ANO1: variants seen among roughly 807,000 people sequenced by gnomAD.
ANO1 encodes the protein anoctamin 1.
Under a neutral mutation model 124.0 loss-of-function variants are expected in ANO1, and 59 were observed. The observed-to-expected ratio is 0.48, with a 90% CI of 0.39 to 0.59. ANO1 has a LOEUF of 0.59. Ranked by LOEUF, ANO1 falls within the 20% of genes least tolerant of loss-of-function variation. The probability of loss-of-function intolerance (pLI) is 0.00; values close to 1 mark genes in which losing one functional copy is unlikely to be tolerated. For missense variants in ANO1, 1,059 were observed against 1,328.0 expected (o/e 0.80, Z 3.15); for synonymous variants, 529 against 532.0 (o/e 0.99, Z 0.08).
chr11:70,062,067 C>CTTTTTTTTTTT (rs1175846749), intron 1 of ANO1, among the ~76,000 whole-genome samples: 2 of 62,270 alleles, frequency 3.2e-5, no homozygotes, highest in Non-Finnish European at 6.0e-5. Flanking sequence ...TTCCTTCTTT[C>CTTTTTTTTTTT]TTTTTTTTTT....
intron 8 of ANO1, among the ~76,000 whole-genome samples, chr11:70,122,100 A>C (rs1205681569): frequency 0.02 from 452 of 22,074 alleles, no homozygotes; most frequent in African/African-American, 0.023. Context: ...CGTCTCCCCC[A>C]CCTCTCTCTG....
intron 1 of ANO1, among the ~76,000 whole-genome samples, chr11:70,057,180 T>A (rs572652134): frequency 9.8e-5 from 15 of 152,340 alleles, no homozygotes; most frequent in African/African-American, 3.6e-4. Flanking sequence ...GCATGTGTGG[T>A]GATTTTTAAT....
At chr11:70,160,205 G>A (rs1289998255) in intron 16 of ANO1, among the ~76,000 whole-genome samples, 6 of 152,206 alleles carry the variant, frequency 3.9e-5, no homozygotes, top group South Asian at 2.1e-4. Flanking sequence ...CCTGGAACAC[G>A]GGGACACAGG....
intron 1 of ANO1, among the ~76,000 whole-genome samples, chr11:70,040,718 G>A (rs535078595): frequency 2.4e-4 from 36 of 152,302 alleles, no homozygotes; most frequent in African/African-American, 8.7e-4. Flanking sequence ...AGGCAGTTCA[G>A]AGCCCGGTCG....
At position 70,188,084 on chromosome 11, in the gene ANO1, C is replaced by T; in HGVS notation, c.*80C>T. On this transcript the variant is annotated 3_prime_UTR_variant, in exon 26 of 26. Transcript: ENST00000355303. ...CTCCCAGGGCAGGCGGCTTCCCGCT[C>T]CCACCAGGGCCCGGTGGGTCCTGGG... is the stretch of plus-strand genomic sequence containing the variant. The T allele has an allele frequency of 5.4e-6, 8 of 1,469,716 alleles. No homozygotes were observed. Among genetic ancestry groups the T allele is most frequent in the Non-Finnish European group, 7.2e-6 (8 of 1,108,108 alleles). 91.0% of individuals were successfully genotyped at this position (1,469,716 alleles called of 1,614,324 possible). A position where few individuals can be genotyped will look rare whatever the true frequency, so the allele number is the denominator to read the frequency against.
intron 1 of ANO1, among the ~76,000 whole-genome samples, chr11:70,007,550 G>A (rs1856517684): frequency 6.6e-6 from 1 of 152,150 alleles, no homozygotes; most frequent in South Asian, 2.1e-4. Context: ...AAAGTGCTGG[G>A]ATTACAGGCG....
rs1265209336 is a variant in ANO1, at chr11:70,108,460, C to T, written c.799+56C>T. 8.9e-6 allele frequency: 14 copies of T among 1,572,266 alleles called. No individual in the cohort carries two copies. In the South Asian group the frequency reaches 1.3e-4, roughly 15 times the overall value. ...ATTGGTTTCCAAGTCGGAATCTCAC[C>T]TCCGAGTCATCTCTGTGGGAGGCAG... On this transcript the variant is annotated intron_variant, in intron 6 of 25. Coordinates refer to ENST00000355303, the MANE Select transcript of ANO1 (RefSeq NM_018043.7).
At chr11:70,098,139 C>A (rs74376482) in intron 2 of ANO1, among the ~76,000 whole-genome samples, 15,536 of 152,288 alleles carry the variant, frequency 0.1, 1,007 homozygotes, top group African/African-American at 0.18. Flanking sequence ...CCCGCGTCCT[C>A]GTGGACAGAC....
chr11:70,053,814 A>T (rs1454170789), intron 1 of ANO1, among the ~76,000 whole-genome samples: 1 of 152,164 alleles, frequency 6.6e-6, no homozygotes, highest in Non-Finnish European at 1.5e-5. Context: ...ATGTGCCTAG[A>T]GTTCTCTTTG....
At chr11:70,106,708 C>A (rs1382323705) in intron 5 of ANO1, among the ~76,000 whole-genome samples, 1 of 152,202 alleles carries the variant, frequency 6.6e-6, no homozygotes, top group Non-Finnish European at 1.5e-5. Context: ...TTAGTCAGGC[C>A]TAATAGTCAT....
At chr11:70,161,097 T>G in intron 16 of ANO1, 64 bp from the exon 17 acceptor site, 1 of 1,452,790 alleles carries the variant, frequency 6.9e-7, no homozygotes. Context: ...AGGGAGCAGA[T>G]GGGGCAGGCC....
In ANO1 at chr11:70,136,495, G is replaced by C. The variant is rs2046960888; in HGVS notation, c.1258+4416G>C. Reference sequence around the variant, plus strand: ...CTGATTTAAATGAACATCGTCCTTTGGCCGATTTCATGTTTGGGGCTTCTG... The same window carrying C: ...CTGATTTAAATGAACATCGTCCTTTCGCCGATTTCATGTTTGGGGCTTCTG... On this transcript the variant is annotated intron_variant, in intron 11 of 25. Coordinates refer to ENST00000355303, the MANE Select transcript of ANO1 (RefSeq NM_018043.7). Among the ~76,000 whole-genome samples the C allele has an allele frequency of 2.5e-5, 3 of 118,484 alleles. No individual in the cohort carries two copies. The Admixed American group carries it at 3.3e-4, about 13-fold the overall frequency. 77.7% of individuals were successfully genotyped at this position (118,484 alleles called of 152,430 possible). A position where few individuals can be genotyped will look rare whatever the true frequency, so the allele number is the denominator to read the frequency against.
At chr11:70,126,234 G>T (rs1435655120) in intron 10 of ANO1, 39 bp downstream of exon 10, 1 of 1,585,748 alleles carries the variant, frequency 6.3e-7, no homozygotes, top group Non-Finnish European at 8.6e-7. Context: ...GCAGTACACA[G>T]AGGAGCCCTC....
intron 1 of ANO1, among the ~76,000 whole-genome samples, chr11:69,997,867 C>T (rs782125283): frequency 1.1e-4 from 17 of 152,178 alleles, no homozygotes; most frequent in Non-Finnish European, 1.8e-4. Context: ...AGTAAAAGCT[C>T]CCTGAGGCCT....
intron 1 of ANO1, among the ~76,000 whole-genome samples, chr11:70,030,295 G>C (rs1856978852): frequency 6.6e-6 from 1 of 152,226 alleles, no homozygotes; most frequent in Non-Finnish European, 1.5e-5. Context: ...TGGCTGCCGG[G>C]GATGAGGACT....
intron 8 of ANO1, among the ~76,000 whole-genome samples, chr11:70,118,737 A>G (rs916782462): frequency 2.0e-4 from 30 of 149,490 alleles, no homozygotes; most frequent in African/African-American, 7.4e-4. Context: ...GGATGGGTGA[A>G]TGAGTGGATG....
Position 70,088,015 on chromosome 11 carries a change from G to A in ANO1, c.372G>A (p.Lys124=). The A allele has an allele frequency of 6.5e-7, 1 of 1,539,388 alleles. No individual in the cohort carries two copies. Among genetic ancestry groups the A allele is most frequent in the Non-Finnish European group, 8.8e-7 (1 of 1,142,104 alleles). ...CGATGGACTACCACGAGGATGACAA[G>A]CGCTTCCGCAGGGAGGAGTACGAGG... ...EPPMDYHEDD[K]RFRREEYEGN... The change falls in exon 2 of 26, where the codon AAG becomes AAA. Residue 124 remains lysine (K), a synonymous_variant. Transcript: ENST00000355303.
Position 70,167,264 on chromosome 11 carries a change from T to A in ANO1, c.2074T>A (p.Tyr692Asn). Residue 692 changes from tyrosine (Y) to asparagine (N), a missense_variant, in exon 21 of 26, where the codon TAC becomes AAC. This residue lies in a region of ANO1 where 809 missense variants were observed against 1,094.9 expected (regional missense o/e 0.74). Transcript: ENST00000355303. ...CAGGAAGATGAAGAAGCTCATCCGC[T>A]ACCTGAAGCTGAAGCAGCAGAGCCC... ...GIPKMKKLIR[Y>N]LKLKQQSPPD... is the part of the protein sequence containing the mutation. The A allele has an allele frequency of 6.2e-7, 1 of 1,614,014 alleles. No homozygotes were observed. The highest frequency in any genetic ancestry group is 2.2e-5 in the East Asian group (1 of 44,888).
rs921989498 is a variant in ANO1 at position 70,136,936 on chromosome 11, C to T, written c.1258+4857C>T. ...AGTTCCAGTGGTGAGCAGTGAGACACGCTGAGCTGGGCTGGCCAGGGAGGG... is the reference window on the plus strand; with the variant it reads ...AGTTCCAGTGGTGAGCAGTGAGACATGCTGAGCTGGGCTGGCCAGGGAGGG... On this transcript the variant is annotated intron_variant, in intron 11 of 25. Coordinates refer to ENST00000355303, the MANE Select transcript of ANO1 (RefSeq NM_018043.7). 4.8e-5 allele frequency among the ~76,000 whole-genome samples: 7 copies of T among 147,260 alleles called. 1 individual carries two copies. The highest frequency in any genetic ancestry group is 7.3e-5 in the African/African-American group (3 of 41,194).
Sources: allele counts gnomAD v4.1 joint callset (sites outside exome capture counted in the v4.1 genomes callset), GRCh38; gene constraint gnomAD v4.1.1; regional missense constraint gnomAD v4.1.1; transcripts MANE v1.5; gene names NCBI Gene and HGNC (gene_info 2026-07-23, HGNC 2026-07-21).